Variants in KCNQ1 observed in about 807,000 individuals in gnomAD.
KCNQ1 encodes the protein potassium voltage-gated channel subfamily KQT member 1.
A neutral mutation model predicts 72.4 loss-of-function variants in KCNQ1; 49 were observed. That is an observed-to-expected ratio of 0.68 (90% CI 0.54 to 0.86). The LOEUF (loss-of-function observed/expected upper bound fraction) is 0.86, where lower values mean the gene tolerates loss of function less well. Among genes scored for constraint, KCNQ1 ranks in the 40% least tolerant of loss-of-function variants. KCNQ1 has a pLI of 0.00. For synonymous variants in KCNQ1, 450 were observed against 412.6 expected, an observed-to-expected ratio of 1.09 and a Z score of -1.10; for missense variants, 790 against 945.1, an observed-to-expected ratio of 0.84 and a Z score of 2.15.
intron 11 of KCNQ1, among the ~76,000 whole-genome samples, chr11:2,751,649 G>A (rs749887073): frequency 3.3e-5 from 5 of 152,260 alleles, no homozygotes; most frequent in Admixed American, 6.5e-5. Flanking sequence ...TTCTGAGAGC[G>A]GTGGCTGTCC....
chr11:2,705,077 C>T (rs964074314), intron 11 of KCNQ1, among the ~76,000 whole-genome samples: 1 of 152,176 alleles, frequency 6.6e-6, no homozygotes, highest in African/African-American at 2.4e-5. Flanking sequence ...AGGTCCTGCT[C>T]CCTCAGGGAA....
intron 10 of KCNQ1, chr11:2,629,982 C>CT: frequency 2.5e-6 from 1 of 398,308 alleles, no homozygotes; most frequent in Non-Finnish European, 4.4e-6. Context: ...GTGAGAATAT[C>CT]TTTTTCTTGT....
In KCNQ1 at chr11:2,538,122, G is replaced by C. The variant is rs11023231; in HGVS notation, c.477+10104G>C. On this transcript the variant is annotated intron_variant, in intron 2 of 15. Coordinates refer to ENST00000155840, the MANE Select transcript of KCNQ1 (RefSeq NM_000218.3). The surrounding 1 kb of genome is among the most constrained non-coding windows in gnomAD (Gnocchi z 6.7). Reference sequence around the variant, plus strand: ...CTCTGGAATGAGGACCTTCAACTTAGCCAGGGTGTCCGACTCTCAGGACAC... The same window carrying C: ...CTCTGGAATGAGGACCTTCAACTTACCCAGGGTGTCCGACTCTCAGGACAC... Among the ~76,000 whole-genome samples, 5 of 152,150 alleles carry C rather than the reference G, an allele frequency of 3.3e-5. No homozygotes were observed. Among genetic ancestry groups the C allele is most frequent in the Admixed American group, 3.3e-4 (5 of 15,266 alleles).
At chr11:2,546,441 A>C (rs535713462) in intron 2 of KCNQ1, among the ~76,000 whole-genome samples, 3 of 152,208 alleles carry the variant, frequency 2.0e-5, no homozygotes, top group Non-Finnish European at 4.4e-5. Context: ...ATAAATGTCA[A>C]TGAGACTAAT....
In KCNQ1 at chr11:2,539,515, C is replaced by T. The variant is rs532339033; in HGVS notation, c.477+11497C>T. Among the ~76,000 whole-genome samples, 28 of 152,298 alleles carry T rather than the reference C, an allele frequency of 1.8e-4. No homozygotes were observed. In the East Asian group the frequency reaches 2.5e-3, roughly 14 times the overall value. ...GCGTGTGACCCTGTGCGGACTCCACCGCGGCAGCCTGGGAGCCAAGCCGAT... is the reference window on the plus strand; with the variant it reads ...GCGTGTGACCCTGTGCGGACTCCACTGCGGCAGCCTGGGAGCCAAGCCGAT... On this transcript the variant is annotated intron_variant, in intron 2 of 15. Coordinates refer to ENST00000155840, the MANE Select transcript of KCNQ1 (RefSeq NM_000218.3).
At chr11:2,614,507 C>T in intron 10 of KCNQ1, 1 of 398,322 alleles carries the variant, frequency 2.5e-6, no homozygotes, top group Non-Finnish European at 4.4e-6. Context: ...GAAATTTATG[C>T]CTTTAACTCT....
rs1268841458 is a variant in KCNQ1 at position 2,613,196 on chromosome 11, C to T, written c.1393+24342C>T. ...AGTTCAGGCACTTTATAACTCTGTCCTGTATTTTACTGTCTGCTTGCAAAA... is the reference window on the plus strand; with the variant it reads ...AGTTCAGGCACTTTATAACTCTGTCTTGTATTTTACTGTCTGCTTGCAAAA... On this transcript the variant is annotated intron_variant, in intron 10 of 15. Coordinates refer to ENST00000155840, the MANE Select transcript of KCNQ1 (RefSeq NM_000218.3). This position sits in a 1 kb window ranked among gnomAD's most constrained non-coding sequence, Gnocchi z 4.8. 2 of 398,490 alleles carry T rather than the reference C, an allele frequency of 5.0e-6. No homozygotes were observed. The highest frequency in any genetic ancestry group is 8.8e-6 in the Non-Finnish European group (2 of 226,046). The allele number at this position is 398,490 out of a possible 1,614,324, so 24.7% of individuals were successfully genotyped here.
In KCNQ1 at chr11:2,687,856, C is replaced by A. The variant is rs912006229; in HGVS notation, c.1514+25775C>A. The A allele has an allele frequency of 1.3e-5, 5 of 398,628 alleles. No individual in the cohort carries two copies. The highest frequency in any genetic ancestry group is 2.2e-5 in the Non-Finnish European group (5 of 226,162). 24.7% of individuals were successfully genotyped at this position (398,628 alleles called of 1,614,324 possible). ...AGGCCAAACTCTGGTTCCTGAGGAG[C>A]CTCAAAGGCTGGACTTGGGGTGTCC... On this transcript the variant is annotated intron_variant, in intron 11 of 15. Transcript: ENST00000155840. The surrounding 1 kb of genome is among the most constrained non-coding windows in gnomAD (Gnocchi z 5.0).
In KCNQ1 at chr11:2,453,828, G is replaced by A. The variant is rs1209637027; in HGVS notation, c.386+8344G>A. Among the ~76,000 whole-genome samples, 4 of 152,244 alleles carry A rather than the reference G, an allele frequency of 2.6e-5. No homozygotes were observed. In the East Asian group the frequency reaches 7.7e-4, roughly 29 times the overall value. On this transcript the variant is annotated intron_variant, in intron 1 of 15. Transcript: ENST00000155840. ...TTGTGAAAGTACTGTTTGGAAAACT[G>A]CAAATGCCCATTGTAGGAGACTGGT...
rs528980559 is a variant in KCNQ1 at position 2,827,664 on chromosome 11, A to G, written c.1795-20103A>G. ...GTCGGGGGGGCGGGGGAGAGCGGCT[A>G]TGGAGACAAGTGGCTGTTTTGCCAG... On this transcript the variant is annotated intron_variant, in intron 15 of 15. Transcript: ENST00000155840. This position sits in a 1 kb window ranked among gnomAD's most constrained non-coding sequence, Gnocchi z 6.7. 1.3e-5 allele frequency among the ~76,000 whole-genome samples: 2 copies of G among 150,580 alleles called. No individual in the cohort carries two copies. The highest frequency in any genetic ancestry group is 1.9e-4 in the East Asian group (1 of 5,166).
Position 2,766,577 on chromosome 11 carries a change from G to T in KCNQ1, c.1515-2267G>T, listed in dbSNP as rs912834331. The stretch of plus-strand genomic sequence containing the variant: ...GCCTGCAATGGGAGGAACCACAATG[G>T]ATTGTGCCCATCTTTAATTAATCAC... On this transcript the variant is annotated intron_variant, in intron 11 of 15. Coordinates refer to ENST00000155840, the MANE Select transcript of KCNQ1 (RefSeq NM_000218.3). The surrounding 1 kb of genome is among the most constrained non-coding windows in gnomAD (Gnocchi z 4.4). 2.0e-5 allele frequency among the ~76,000 whole-genome samples: 3 copies of T among 152,144 alleles called. No individual in the cohort carries two copies. The highest frequency in any genetic ancestry group is 4.4e-5 in the Non-Finnish European group (3 of 68,028).
chr11:2,632,866 A>C (rs1849383931), intron 10 of KCNQ1: 1 of 398,378 alleles, frequency 2.5e-6, no homozygotes, highest in Non-Finnish European at 4.4e-6. Context: ...TGTGAACAGT[A>C]CTGCAATAAA....
chr11:2,649,432 TGTA>T (rs1564844970), intron 10 of KCNQ1: 2 of 398,466 alleles, frequency 5.0e-6, no homozygotes, highest in African/African-American at 4.1e-5. Flanking sequence ...TACTTCCAGA[TGTA>T]GTACTCCCTT....
intron 10 of KCNQ1, chr11:2,630,447 C>T (rs1024606614): frequency 7.5e-6 from 3 of 398,100 alleles, no homozygotes; most frequent in African/African-American, 6.2e-5. Flanking sequence ...GGATTGTTCC[C>T]TCTTTGTTTG....
chr11:2,681,332 AC>A, intron 11 of KCNQ1: 1 of 398,294 alleles, frequency 2.5e-6, no homozygotes, highest in Non-Finnish European at 4.4e-6. Context: ...TCCAACTGTG[AC>A]CGTCTTTTCC....
rs911040895 is a variant in KCNQ1 at position 2,759,928 on chromosome 11, C to G, written c.1515-8916C>G. On this transcript the variant is annotated intron_variant, in intron 11 of 15. Transcript: ENST00000155840. The surrounding 1 kb of genome is among the most constrained non-coding windows in gnomAD (Gnocchi z 4.4). ...GCCCTCCCACATGCCAGCCCCTACC[C>G]TGGGCCTCAGGATCTGCCTGGATGG... Among the ~76,000 whole-genome samples, 2 of 152,234 alleles carry G rather than the reference C, an allele frequency of 1.3e-5. No homozygotes were observed. Among genetic ancestry groups the G allele is most frequent in the African/African-American group, 4.8e-5 (2 of 41,460 alleles).
At position 2,817,719 on chromosome 11, in the gene KCNQ1, C is replaced by T. The variant is rs1338053727; in HGVS notation, c.1795-30048C>T. On this transcript the variant is annotated intron_variant, in intron 15 of 15. Transcript: ENST00000155840. The surrounding 1 kb of genome is among the most constrained non-coding windows in gnomAD (Gnocchi z 6.1). ...GAGGCCCCCTTCTCACAGGGGCCTACCCACTTACGACCCACCTCCTCTCCT... is the reference window on the plus strand; with the variant it reads ...GAGGCCCCCTTCTCACAGGGGCCTATCCACTTACGACCCACCTCCTCTCCT... Among the ~76,000 whole-genome samples, 1 of 152,094 alleles carries T rather than the reference C, an allele frequency of 6.6e-6. No homozygotes were observed. The highest frequency in any genetic ancestry group is 1.5e-5 in the Non-Finnish European group (1 of 68,010).
intron 15 of KCNQ1, among the ~76,000 whole-genome samples, chr11:2,805,769 A>C (rs1005486089): frequency 6.6e-6 from 1 of 152,208 alleles, no homozygotes; most frequent in Non-Finnish European, 1.5e-5. Flanking sequence ...GTGCTGGGGA[A>C]GCCGAGGAGA....
At chr11:2,522,440 G>T (rs1052624516) in intron 1 of KCNQ1, among the ~76,000 whole-genome samples, 1 of 152,196 alleles carries the variant, frequency 6.6e-6, no homozygotes, top group Non-Finnish European at 1.5e-5. Context: ...AGAGGGGGTG[G>T]TAGGTGGCCC....
Sources: allele counts gnomAD v4.1 joint callset (sites outside exome capture counted in the v4.1 genomes callset), GRCh38; gene constraint gnomAD v4.1.1; non-coding constraint Gnocchi (gnomAD v3.1); transcripts MANE v1.5; gene names NCBI Gene and HGNC (gene_info 2026-07-23, HGNC 2026-07-21).